Variants in MAPK10 observed in about 807,000 individuals in gnomAD.
MAPK10 encodes mitogen-activated protein kinase 10.
MAPK10 carries 25 observed loss-of-function variants against 59.3 expected under a neutral mutation model. The ratio of observed to expected loss-of-function variants is 0.42; its 90% CI spans 0.31 to 0.59. The LOEUF (loss-of-function observed/expected upper bound fraction) is 0.59. Among genes scored for constraint, MAPK10 ranks in the 20% least tolerant of loss-of-function variants. The pLI is 0.15. For missense variants in MAPK10, 351 were observed against 568.9 expected (o/e 0.62, Z 3.90); for synonymous variants, 190 against 200.5 (o/e 0.95, Z 0.44).
At chr4:86,097,000 C>T (rs2054344816) in intron 9 of MAPK10, among the ~76,000 whole-genome samples, 1 of 151,656 alleles carries the variant, frequency 6.6e-6, no homozygotes. Flanking sequence ...TCACAAATGC[C>T]AATCATATAC....
intron 2 of MAPK10, among the ~76,000 whole-genome samples, chr4:86,328,005 T>C (rs190314371): frequency 3.2e-4 from 49 of 152,180 alleles, no homozygotes; most frequent in Non-Finnish European, 6.2e-4. Context: ...AATCTTCCTA[T>C]GGTTTGAATG....
Position 86,029,186 on chromosome 4 carries a change from A to G in MAPK10, c.1252+11T>C. ...GTACTAGTTTATTGGTTATTCACGG[A>G]GAGTGAGTACCTGAAGGAGAAGGCT... On this transcript the variant is annotated intron_variant, in intron 13 of 13. Coordinates refer to ENST00000641462, the MANE Select transcript of MAPK10 (RefSeq NM_138982.4). 1 of 1,586,098 alleles carries G rather than the reference A, an allele frequency of 6.3e-7. No homozygotes were observed. Among genetic ancestry groups the G allele is most frequent in the Non-Finnish European group, 8.7e-7 (1 of 1,155,100 alleles).
chr4:86,327,785 C>CAAAAAAAAAAAAAAAAA (rs5860023), intron 2 of MAPK10: 14 of 68,900 alleles, frequency 2.0e-4, no homozygotes, highest in Admixed American at 4.0e-4. Flanking sequence ...ACTAAAAATA[C>CAAAAAAAAAAAAAAAAA]AAAAAAAAAA....
intron 11 of MAPK10, 76 bp downstream of exon 11, chr4:86,064,190 C>G: frequency 2.6e-6 from 4 of 1,563,576 alleles, no homozygotes; most frequent in Non-Finnish European, 3.5e-6. Flanking sequence ...ATTCTTTAGG[C>G]TTCTAGTCCT....
chr4:86,564,271 A>C (rs964684097), intron 1 of MAPK10, among the ~76,000 whole-genome samples: 1 of 152,206 alleles, frequency 6.6e-6, no homozygotes, highest in Non-Finnish European at 1.5e-5. Flanking sequence ...TCTTTTTTGC[A>C]TAGCTTTGCC....
chr4:86,074,888 C>T (rs1455405327), intron 9 of MAPK10, among the ~76,000 whole-genome samples: 1 of 127,714 alleles, frequency 7.8e-6, no homozygotes, highest in South Asian at 2.5e-4. Context: ...TTGCTCTTCT[C>T]GAGGAGTATC....
At chr4:86,502,841 A>G (rs982271220) in intron 1 of MAPK10, among the ~76,000 whole-genome samples, 2 of 152,086 alleles carry the variant, frequency 1.3e-5, no homozygotes, top group African/African-American at 4.8e-5. Flanking sequence ...CATTTTTGCC[A>G]AAATTTACCA....
chr4:86,042,395 T>C (rs956741858), intron 11 of MAPK10, among the ~76,000 whole-genome samples: 2 of 152,072 alleles, frequency 1.3e-5, no homozygotes, highest in African/African-American at 4.8e-5. Flanking sequence ...ACCTAGAAGC[T>C]GGGTTGATAG....
intron 4 of MAPK10, among the ~76,000 whole-genome samples, chr4:86,150,350 G>T (rs1049326172): frequency 1.3e-5 from 2 of 152,128 alleles, no homozygotes; most frequent in Non-Finnish European, 2.9e-5. Context: ...TAGGTAACAT[G>T]TACACCACTT....
At chr4:86,223,627 G>C (rs2090079048) in intron 2 of MAPK10, among the ~76,000 whole-genome samples, 1 of 152,130 alleles carries the variant, frequency 6.6e-6, no homozygotes. Context: ...TCCACCTGCA[G>C]GAGGCAGTAG....
chr4:86,419,164 TA>T (rs1449967786), intron 1 of MAPK10, among the ~76,000 whole-genome samples: 3 of 152,210 alleles, frequency 2.0e-5, no homozygotes, highest in Non-Finnish European at 4.4e-5. Flanking sequence ...AAATGTTTTT[TA>T]AAAACTCTCT....
At chr4:86,169,626 T>C (rs909889901) in intron 3 of MAPK10, among the ~76,000 whole-genome samples, 1 of 152,008 alleles carries the variant, frequency 6.6e-6, no homozygotes, top group Admixed American at 6.5e-5. Flanking sequence ...TGGAACCAAG[T>C]TGGAAAACAC....
intron 1 of MAPK10, among the ~76,000 whole-genome samples, chr4:86,518,153 G>A (rs1054079675): frequency 6.6e-6 from 1 of 152,190 alleles, no homozygotes; most frequent in Non-Finnish European, 1.5e-5. Flanking sequence ...CAGCCGAACA[G>A]CTGGGATTAC....
intron 2 of MAPK10, among the ~76,000 whole-genome samples, chr4:86,348,142 T>C (rs559639244): frequency 3.3e-5 from 5 of 152,334 alleles, no homozygotes; most frequent in Admixed American, 3.3e-4. Flanking sequence ...TTCTTATCCA[T>C]ATACTTACCT....
intron 1 of MAPK10, among the ~76,000 whole-genome samples, chr4:86,593,431 ACT>A (rs1373564341): frequency 6.6e-6 from 1 of 151,980 alleles, no homozygotes; most frequent in African/African-American, 2.4e-5. Context: ...ATTCAGCAAG[ACT>A]CTCTTGTTTA....
intron 2 of MAPK10, among the ~76,000 whole-genome samples, chr4:86,346,466 A>C (rs556512265): frequency 2.2e-4 from 34 of 152,234 alleles, no homozygotes; most frequent in Non-Finnish European, 4.1e-4. Flanking sequence ...CAGTACAGAC[A>C]TAACCATCAT....
chr4:86,468,253 T>C (rs2149064670), intron 1 of MAPK10, among the ~76,000 whole-genome samples: 1 of 152,198 alleles, frequency 6.6e-6, no homozygotes, highest in East Asian at 1.9e-4. Flanking sequence ...AGAAAATCCT[T>C]TTTTTGCCTA....
intron 13 of MAPK10, among the ~76,000 whole-genome samples, chr4:86,026,118 C>T (rs1750057341): frequency 1.3e-5 from 2 of 152,094 alleles, no homozygotes; most frequent in Admixed American, 6.5e-5. Context: ...GAAGCTTTAT[C>T]TTTGATTTAG....
At chr4:86,550,144 A>G (rs959874719) in intron 1 of MAPK10, among the ~76,000 whole-genome samples, 1 of 152,084 alleles carries the variant, frequency 6.6e-6, no homozygotes, top group Non-Finnish European at 1.5e-5. Context: ...TATACCCAAG[A>G]GTGAACTACT....
Sources: gnomAD v4.1 joint callset for allele counts (sites outside exome capture counted in the v4.1 genomes callset) on GRCh38, gnomAD v4.1.1 for gene constraint, MANE v1.5 for transcripts, NCBI Gene and HGNC (gene_info 2026-07-23, HGNC 2026-07-21) for gene names.